Variants in GADL1 observed in about 807,000 individuals in gnomAD.
GADL1 encodes the protein GAD like acidic amino acid decarboxylase 1, also known as acidic amino acid decarboxylase GADL1.
GADL1 carries 71 observed loss-of-function variants against 69.5 expected under a neutral mutation model. That is an observed-to-expected ratio of 1.02 (90% confidence interval 0.84 to 1.25). The LOEUF is 1.25. GADL1 is among the 50% of genes most tolerant of loss of function. The pLI, the probability that GADL1 is intolerant of heterozygous loss-of-function variation, is 0.00. For synonymous variants in GADL1, 254 were observed against 214.4 expected (o/e 1.18, Z -1.62); for missense variants, 737 against 631.8 (o/e 1.17, Z -1.79).
intron 4 of GADL1, among the ~76,000 whole-genome samples, chr3:30,854,395 C>T (rs753884688): frequency 5.3e-5 from 8 of 152,098 alleles, no homozygotes; most frequent in Non-Finnish European, 1.0e-4. Flanking sequence ...TTCAATATGT[C>T]TCTCCATCAC....
intron 1 of GADL1, among the ~76,000 whole-genome samples, chr3:30,868,976 C>T (rs753545986): frequency 3.3e-5 from 5 of 151,358 alleles, no homozygotes; most frequent in Admixed American, 6.6e-5. Flanking sequence ...TCCCGTAGGC[C>T]GGTCCAAGAG....
At chr3:30,825,666 C>T (rs1352232177) in intron 11 of GADL1, among the ~76,000 whole-genome samples, 1 of 33,948 alleles carries the variant, frequency 2.9e-5, no homozygotes, top group Non-Finnish European at 5.1e-5. Context: ...TTAACTTGCA[C>T]AGGAACAGAA....
chr3:30,819,878 G>A (rs1697541066), intron 11 of GADL1, among the ~76,000 whole-genome samples: 1 of 151,878 alleles, frequency 6.6e-6, no homozygotes, highest in Non-Finnish European at 1.5e-5. Context: ...GACTCAACTA[G>A]AGCAGAAAAT....
chr3:30,764,904 G>GGC (rs1559492617), intron 14 of GADL1, among the ~76,000 whole-genome samples: 2 of 149,474 alleles, frequency 1.3e-5, no homozygotes, highest in African/African-American at 5.0e-5. Context: ...AAAACAGTGA[G>GGC]GCACTACCAT....
chr3:30,764,388 A>C (rs1696218536), intron 14 of GADL1, among the ~76,000 whole-genome samples: 1 of 152,160 alleles, frequency 6.6e-6, no homozygotes, highest in Non-Finnish European at 1.5e-5. Flanking sequence ...CTCTTGAGTT[A>C]TGTAACTCAT....
chr3:30,864,414 TCAACACCCACTCGTAAC>T (rs1698366259), intron 1 of GADL1, among the ~76,000 whole-genome samples: 1 of 151,814 alleles, frequency 6.6e-6, no homozygotes, highest in Non-Finnish European at 1.5e-5. Context: ...ATAAAAAATG[TCAACACCCACTCGTAAC>T]CAGAATAGCA....
chr3:30,817,294 T>C (rs1331460467), intron 11 of GADL1, among the ~76,000 whole-genome samples: 1 of 152,178 alleles, frequency 6.6e-6, no homozygotes, highest in East Asian at 1.9e-4. Context: ...TTCATACTAA[T>C]TTTATTGTTA....
rs548865277 is a variant in GADL1, at chr3:30,844,479, G to A, written c.652-13C>T. 6.5e-7 allele frequency: 1 copy of A among 1,542,128 alleles called. No individual in the cohort carries two copies. Among genetic ancestry groups the A allele is most frequent in the Admixed American group, 1.7e-5 (1 of 59,834 alleles). ...TAGAGTAATGACACTGAATTCAAAG[G>A]GACAGTGGGGAAGGGGGAGACATGA... On this transcript the variant is annotated splice_polypyrimidine_tract_variant and intron_variant, in intron 6 of 14. Coordinates refer to ENST00000282538, the MANE Select transcript of GADL1 (RefSeq NM_207359.3).
chr3:30,758,655 A>T (rs1696041214), intron 14 of GADL1, among the ~76,000 whole-genome samples: 2 of 152,214 alleles, frequency 1.3e-5, no homozygotes, highest in Admixed American at 1.3e-4. Context: ...TTGGTGGAAG[A>T]AGAGAGTAAA....
At chr3:30,772,156 TAAAAC>T (rs139919888) in intron 14 of GADL1, among the ~76,000 whole-genome samples, 37,090 of 151,082 alleles carry the variant, frequency 0.25, 5,255 homozygotes, top group Non-Finnish European at 0.32. Context: ...CACCAAACAA[TAAAAC>T]AAACCCGTCA....
At chr3:30,886,769 GT>G (rs1413858396) in intron 1 of GADL1, among the ~76,000 whole-genome samples, 1 of 152,176 alleles carries the variant, frequency 6.6e-6, no homozygotes, top group Non-Finnish European at 1.5e-5. Context: ...AATCTATATT[GT>G]TGTGTGCAAG....
chr3:30,846,549 G>A (rs899055901), intron 6 of GADL1, among the ~76,000 whole-genome samples: 100 of 151,368 alleles, frequency 6.6e-4, no homozygotes, highest in Non-Finnish European at 8.7e-4. Flanking sequence ...TAGAGAGAAC[G>A]GGGTATATAA....
chr3:30,752,873 G>A (rs1303224734), intron 14 of GADL1, among the ~76,000 whole-genome samples: 2 of 152,132 alleles, frequency 1.3e-5, no homozygotes, highest in African/African-American at 2.4e-5. Context: ...AACTAAAAGT[G>A]GCTAGAAGTC....
chr3:30,801,649 T>C (rs896823713), intron 11 of GADL1, among the ~76,000 whole-genome samples: 2 of 152,190 alleles, frequency 1.3e-5, no homozygotes, highest in African/African-American at 4.8e-5. Context: ...ACAGGGCCTT[T>C]TGTGTTTGTC....
At chr3:30,769,847 G>C (rs575549234) in intron 14 of GADL1, among the ~76,000 whole-genome samples, 26 of 152,324 alleles carry the variant, frequency 1.7e-4, no homozygotes, top group Middle Eastern at 6.8e-3. Flanking sequence ...TCCCAGAACT[G>C]CTGCCATGGA....
intron 12 of GADL1, among the ~76,000 whole-genome samples, chr3:30,792,651 C>A (rs1696948804): frequency 6.6e-6 from 1 of 152,184 alleles, no homozygotes; most frequent in Middle Eastern, 3.4e-3. Context: ...TATCAGGAAC[C>A]AGTTATTTAA....
At chr3:30,868,173 T>G (rs1698431257) in intron 1 of GADL1, among the ~76,000 whole-genome samples, 1 of 152,082 alleles carries the variant, frequency 6.6e-6, no homozygotes, top group South Asian at 2.1e-4. Context: ...ATGGAATTTT[T>G]CTTCCACAGG....
At chr3:30,783,897 T>TC (rs1696730795) in intron 13 of GADL1, among the ~76,000 whole-genome samples, 1 of 152,170 alleles carries the variant, frequency 6.6e-6, no homozygotes, top group Non-Finnish European at 1.5e-5. Context: ...ATAAAGAACT[T>TC]TTTAATCGGC....
intron 1 of GADL1, among the ~76,000 whole-genome samples, chr3:30,864,991 A>G (rs1036202936): frequency 6.6e-6 from 1 of 152,004 alleles, no homozygotes; most frequent in African/African-American, 2.4e-5. Context: ...TGCTTAAAGC[A>G]TTCAATGACT....
Sources: gnomAD v4.1 joint callset for allele counts (sites outside exome capture counted in the v4.1 genomes callset) on GRCh38, gnomAD v4.1.1 for gene constraint, MANE v1.5 for transcripts, NCBI Gene and HGNC (gene_info 2026-07-23, HGNC 2026-07-21) for gene names.